Variants in CAST observed in about 807,000 individuals in gnomAD.
CAST encodes the protein MIR583 host.
A neutral mutation model predicts 119.6 loss-of-function variants in CAST; 76 were observed. That is an observed-to-expected ratio of 0.64 (90% CI 0.53 to 0.77). The LOEUF (loss-of-function observed/expected upper bound fraction) is 0.77, where lower values mean the gene tolerates loss of function less well. Among genes scored for constraint, CAST ranks in the 30% least tolerant of loss-of-function variants. The pLI, the probability that CAST is intolerant of heterozygous loss-of-function variation, is 0.00. For missense variants in CAST, 953 were observed against 946.5 expected (o/e 1.01, Z -0.09); for synonymous variants, 319 against 331.6 (o/e 0.96, Z 0.41).
chr5:96,105,713 C>G, the CAST span, among the ~76,000 whole-genome samples: 33 of 152,292 alleles, frequency 2.2e-4, no homozygotes, highest in African/African-American at 7.2e-4. Flanking sequence ...GATTGTGTCT[C>G]TGCCCGACTT....
the CAST span, among the ~76,000 whole-genome samples, chr5:96,506,732 C>G: frequency 2.0e-5 from 3 of 152,130 alleles, no homozygotes; most frequent in African/African-American, 7.2e-5. Context: ...CTGAAGGACC[C>G]CAGTAAAAAG....
At chr5:96,053,272 T>C in the CAST span, among the ~76,000 whole-genome samples, 1 of 152,218 alleles carries the variant, frequency 6.6e-6, no homozygotes, top group Admixed American at 6.5e-5. Context: ...CATAAGGATT[T>C]TGAAAAGCTC....
At chr5:95,968,293 C>T in the CAST span, among the ~76,000 whole-genome samples, 1 of 152,110 alleles carries the variant, frequency 6.6e-6, no homozygotes, top group Non-Finnish European at 1.5e-5. Context: ...TTTATTATAG[C>T]TAGCATATTG....
chr5:96,711,878 T>G (rs1267614738), intron 3 of CAST, among the ~76,000 whole-genome samples: 3 of 152,180 alleles, frequency 2.0e-5, no homozygotes, highest in Non-Finnish European at 2.9e-5. Flanking sequence ...CTGATTGGGA[T>G]TAGGAGATAA....
At chr5:96,392,855 G>T in the CAST span, 1 of 795,858 alleles carries the variant, frequency 1.3e-6, no homozygotes, top group Non-Finnish European at 2.1e-6. Context: ...CCCTTCACAT[G>T]TACAGTTTAG....
chr5:96,286,744 C>T, the CAST span, among the ~76,000 whole-genome samples: 1 of 152,042 alleles, frequency 6.6e-6, no homozygotes, highest in African/African-American at 2.4e-5. Flanking sequence ...AATTTATGGT[C>T]TCAGCATGAG....
intron 1 of CAST, among the ~76,000 whole-genome samples, chr5:96,568,588 A>AAG (rs1746515678): frequency 4.2e-5 from 6 of 142,842 alleles, no homozygotes; most frequent in African/African-American, 1.6e-4. Flanking sequence ...AAAAAAAAAA[A>AAG]GAAGATAAGG....
At chr5:96,170,600 A>T in the CAST span, among the ~76,000 whole-genome samples, 1 of 152,180 alleles carries the variant, frequency 6.6e-6, no homozygotes, top group Admixed American at 6.5e-5. Flanking sequence ...GGATTGGGTA[A>T]CAAAGTGCAT....
chr5:96,617,401 A>G (rs1290922343), intron 1 of CAST, among the ~76,000 whole-genome samples: 3 of 152,202 alleles, frequency 2.0e-5, no homozygotes, highest in Non-Finnish European at 4.4e-5. Context: ...TTACTAAAGG[A>G]CAAGCTAAAA....
the CAST span, among the ~76,000 whole-genome samples, chr5:96,143,080 G>A: frequency 6.6e-6 from 1 of 152,104 alleles, no homozygotes. Context: ...TCTTTCTTCC[G>A]ACTTCAACAT....
At chr5:96,021,596 C>T in the CAST span, among the ~76,000 whole-genome samples, 1 of 152,118 alleles carries the variant, frequency 6.6e-6, no homozygotes, top group African/African-American at 2.4e-5. Context: ...CAGGCGCCCG[C>T]CACCACGCCC....
At chr5:96,361,580 G>A in the CAST span, among the ~76,000 whole-genome samples, 1 of 152,142 alleles carries the variant, frequency 6.6e-6, no homozygotes, top group African/African-American at 2.4e-5. Context: ...CCTTGGCTAG[G>A]GGAGGGAGTT....
chr5:96,580,494 C>T (rs1346077372), intron 1 of CAST, among the ~76,000 whole-genome samples: 1 of 152,182 alleles, frequency 6.6e-6, no homozygotes, highest in Non-Finnish European at 1.5e-5. Flanking sequence ...GCCCTTCATG[C>T]TCTACTACAG....
At chr5:96,765,364 G>C (rs1216257245) in intron 26 of CAST, 39 bp downstream of exon 26, 2 of 714,858 alleles carry the variant, frequency 2.8e-6, no homozygotes, top group African/African-American at 2.1e-5. Flanking sequence ...TTCACTAATA[G>C]TGAAATTTTA....
the CAST span, among the ~76,000 whole-genome samples, chr5:96,236,863 T>C: frequency 1.3e-5 from 2 of 152,206 alleles, no homozygotes; most frequent in African/African-American, 4.8e-5. Context: ...AAGTACTCTG[T>C]TACATTCCTG....
rs186642786 is a variant in CAST at position 96,718,552 on chromosome 5, A to T, written c.211-4087A>T. On this transcript the variant is annotated intron_variant, in intron 3 of 31. Transcript: ENST00000675179. The stretch of plus-strand genomic sequence containing the variant: ...GCCCCTGAACCTAAAAGTTAAAAAA[A>T]AAAAGAATACAGAGAAGAATGGAGC... 2.7e-3 allele frequency among the ~76,000 whole-genome samples: 412 copies of T among 152,226 alleles called. 9 individuals carry two copies. The highest frequency in any genetic ancestry group is 0.02 in the Admixed American group (307 of 15,290).
the CAST span, among the ~76,000 whole-genome samples, chr5:96,275,766 A>T: frequency 3.9e-5 from 6 of 152,212 alleles, no homozygotes; most frequent in Non-Finnish European, 5.9e-5. Flanking sequence ...AGTTTGGTCC[A>T]GCTTATTAAG....
the CAST span, among the ~76,000 whole-genome samples, chr5:96,169,903 T>C: frequency 2.4e-4 from 37 of 152,248 alleles, no homozygotes; most frequent in African/African-American, 8.7e-4. Flanking sequence ...AAAGGAGTGC[T>C]TAAAAGAGTA....
intron 1 of CAST, among the ~76,000 whole-genome samples, chr5:96,590,019 G>A (rs184876206): frequency 1.3e-5 from 2 of 152,312 alleles, no homozygotes; most frequent in Admixed American, 1.3e-4. Flanking sequence ...GAGAGTATTA[G>A]AGCACTTACA....
Sources: gnomAD v4.1 joint callset for allele counts (sites outside exome capture counted in the v4.1 genomes callset) on GRCh38, gnomAD v4.1.1 for gene constraint, MANE v1.5 for transcripts, NCBI Gene and HGNC (gene_info 2026-07-23, HGNC 2026-07-21) for gene names.